CRPPA: variants seen among roughly 807,000 people sequenced by gnomAD.
CRPPA encodes CDP-L-ribitol pyrophosphorylase A.
In CRPPA, 43 loss-of-function variants were observed where a neutral mutation model predicts 52.0. The ratio of observed to expected loss-of-function variants is 0.83; its 90% confidence interval spans 0.65 to 1.07. The LOEUF is 1.07. CRPPA is among the 50% of genes least tolerant of loss of function. CRPPA has a pLI of 0.00. For missense variants in CRPPA, 629 were observed against 551.7 expected (o/e 1.14, Z -1.40); for synonymous variants, 250 against 203.5 (o/e 1.23, Z -1.94).
At chr7:16,245,813 G>A (rs746539264) in intron 8 of CRPPA, among the ~76,000 whole-genome samples, 15 of 152,074 alleles carry the variant, frequency 9.9e-5, no homozygotes, top group Admixed American at 7.2e-4. Flanking sequence ...ACTATCATCC[G>A]TTACGTGCAC....
At chr7:16,285,252 TATA>T (rs1253997693) in intron 5 of CRPPA, among the ~76,000 whole-genome samples, 3 of 152,112 alleles carry the variant, frequency 2.0e-5, no homozygotes, top group Non-Finnish European at 4.4e-5. Context: ...ATTGTACAAA[TATA>T]ATAATCTAGT....
chr7:16,094,524 G>A (rs906931817), intron 9 of CRPPA, among the ~76,000 whole-genome samples: 7 of 152,000 alleles, frequency 4.6e-5, no homozygotes, highest in Non-Finnish European at 7.4e-5. Flanking sequence ...GGAGAGTGGG[G>A]AGCAGAGGTG....
chr7:16,212,529 C>T (rs1220323268), intron 9 of CRPPA, among the ~76,000 whole-genome samples: 2 of 152,140 alleles, frequency 1.3e-5, no homozygotes, highest in African/African-American at 2.4e-5. Context: ...CTAAAATATA[C>T]ACACCGTAAT....
chr7:16,110,247 T>C (rs542766152), intron 9 of CRPPA, among the ~76,000 whole-genome samples: 1 of 152,050 alleles, frequency 6.6e-6, no homozygotes, highest in African/African-American at 2.4e-5. Context: ...TAGTGAAAAC[T>C]GTAAAACACT....
At chr7:16,408,638 CAT>C (rs1234187582) in intron 1 of CRPPA, among the ~76,000 whole-genome samples, 5 of 152,204 alleles carry the variant, frequency 3.3e-5, no homozygotes, top group Non-Finnish European at 7.3e-5. Context: ...TTTTGGTAAA[CAT>C]AATAATGAAC....
At chr7:16,268,638 T>A (rs1784016755) in intron 6 of CRPPA, among the ~76,000 whole-genome samples, 1 of 152,210 alleles carries the variant, frequency 6.6e-6, no homozygotes, top group African/African-American at 2.4e-5. Flanking sequence ...CTCGATCATG[T>A]GACTTGTTTC....
intron 5 of CRPPA, among the ~76,000 whole-genome samples, chr7:16,288,428 G>A (rs369796779): frequency 2.0e-4 from 31 of 151,886 alleles, no homozygotes; most frequent in African/African-American, 7.5e-4. Flanking sequence ...TTAACATAGT[G>A]TAATTCCAAC....
chr7:16,154,701 T>C (rs997096679), intron 9 of CRPPA, among the ~76,000 whole-genome samples: 13 of 152,196 alleles, frequency 8.5e-5, no homozygotes, highest in African/African-American at 3.1e-4. Context: ...AAAACATGAG[T>C]CTTTCCAATA....
At chr7:16,139,524 A>T (rs1191304410) in intron 9 of CRPPA, among the ~76,000 whole-genome samples, 2 of 152,194 alleles carry the variant, frequency 1.3e-5, no homozygotes, top group East Asian at 3.8e-4. Context: ...TAACACTAAA[A>T]TATTAGGTTG....
intron 3 of CRPPA, among the ~76,000 whole-genome samples, chr7:16,341,513 A>G (rs1360519433): frequency 6.6e-6 from 1 of 152,234 alleles, no homozygotes; most frequent in Non-Finnish European, 1.5e-5. Context: ...AAAAATTAAA[A>G]TAAGTGAATA....
chr7:16,217,195 C>G (rs1442342141), intron 8 of CRPPA, among the ~76,000 whole-genome samples: 20 of 143,696 alleles, frequency 1.4e-4, no homozygotes, highest in African/African-American at 4.9e-4. Flanking sequence ...ACACCTCACA[C>G]GGCAGGGTAT....
chr7:16,397,828 C>A (rs1787649907), intron 2 of CRPPA, among the ~76,000 whole-genome samples: 1 of 152,142 alleles, frequency 6.6e-6, no homozygotes, highest in Non-Finnish European at 1.5e-5. Flanking sequence ...CTGACGTGAT[C>A]CACAAAGGAT....
intron 3 of CRPPA, among the ~76,000 whole-genome samples, chr7:16,336,441 T>A (rs7807166): frequency 1.3e-5 from 2 of 151,886 alleles, no homozygotes; most frequent in East Asian, 3.9e-4. Flanking sequence ...ATAAAAATAT[T>A]TTATGTAAGC....
At chr7:16,352,161 G>A (rs1458480639) in intron 3 of CRPPA, among the ~76,000 whole-genome samples, 2 of 151,738 alleles carry the variant, frequency 1.3e-5, no homozygotes, top group African/African-American at 4.8e-5. Flanking sequence ...ACTGACACAG[G>A]AATAGAAAAC....
intron 9 of CRPPA, among the ~76,000 whole-genome samples, chr7:16,204,749 A>G (rs919533299): frequency 1.3e-5 from 2 of 152,220 alleles, no homozygotes; most frequent in African/African-American, 4.8e-5. Flanking sequence ...TTTAGCACCA[A>G]GTAAAACTGA....
chr7:16,265,336 C>A (rs1379668975), intron 6 of CRPPA, among the ~76,000 whole-genome samples: 1 of 152,180 alleles, frequency 6.6e-6, no homozygotes, highest in South Asian at 2.1e-4. Flanking sequence ...TGAGACATTG[C>A]ACTGCTATTG....
intron 3 of CRPPA, among the ~76,000 whole-genome samples, chr7:16,365,340 T>G (rs1786564067): frequency 6.6e-6 from 1 of 152,198 alleles, no homozygotes; most frequent in African/African-American, 2.4e-5. Flanking sequence ...TATGTCCCCA[T>G]GTGATGAAGT....
At chr7:16,281,666 T>G (rs1784323754) in intron 5 of CRPPA, among the ~76,000 whole-genome samples, 1 of 152,192 alleles carries the variant, frequency 6.6e-6, no homozygotes, top group Non-Finnish European at 1.5e-5. Flanking sequence ...TGTGCAAGAT[T>G]GGTGTCATGT....
At chr7:16,215,886 T>C (rs191739838) in intron 9 of CRPPA, among the ~76,000 whole-genome samples, 180 bp downstream of exon 9, 209 of 152,328 alleles carry the variant, frequency 1.4e-3, no homozygotes, top group Middle Eastern at 6.8e-3. Context: ...AATAGTTTTA[T>C]TGGTTTCTAT....
Sources: allele counts gnomAD v4.1 joint callset (sites outside exome capture counted in the v4.1 genomes callset), GRCh38; gene constraint gnomAD v4.1.1; transcripts MANE v1.5; gene names NCBI Gene and HGNC (gene_info 2026-07-23, HGNC 2026-07-21).